Variants in GALNTL5 observed in about 807,000 individuals in gnomAD.
The protein encoded by GALNTL5 is inactive polypeptide N-acetylgalactosaminyltransferase-like protein 5.
A neutral mutation model predicts 51.0 loss-of-function variants in GALNTL5; 44 were observed. The ratio of observed to expected loss-of-function variants is 0.86; its 90% CI spans 0.68 to 1.11. The LOEUF is 1.11. Among genes scored for constraint, GALNTL5 ranks in the 50% least tolerant of loss-of-function variants. The probability of loss-of-function intolerance (pLI) is 0.00; values close to 1 mark genes in which losing one functional copy is unlikely to be tolerated. For synonymous variants in GALNTL5, 192 were observed against 182.8 expected, an observed-to-expected ratio of 1.05 and a Z score of -0.41; for missense variants, 528 against 531.8, an observed-to-expected ratio of 0.99 and a Z score of 0.07.
chr7:151,982,294 A>T (rs1053342944), intron 3 of GALNTL5, among the ~76,000 whole-genome samples: 3 of 152,058 alleles, frequency 2.0e-5, no homozygotes, highest in Non-Finnish European at 4.4e-5. Flanking sequence ...CATGCCTGTA[A>T]TCCCAGCTAC....
chr7:151,994,354 C>T lies in GALNTL5; in HGVS notation c.658+7073C>T, dbSNP rs117515940. ...TGAGATGCAAACTGTACCTACTGAGCCTGGAGACGGGTTTTCACGTGATGT... is the reference window on the plus strand; with the variant it reads ...TGAGATGCAAACTGTACCTACTGAGTCTGGAGACGGGTTTTCACGTGATGT... On this transcript the variant is annotated intron_variant, in intron 5 of 8. Coordinates refer to ENST00000392800, the MANE Select transcript of GALNTL5 (RefSeq NM_145292.4). Among the ~76,000 whole-genome samples the T allele has an allele frequency of 2.1e-3, 314 of 152,268 alleles. 1 individual carries two copies. Among genetic ancestry groups the T allele is most frequent in the Non-Finnish European group, 3.1e-3 (212 of 68,020 alleles).
rs765757078 is a variant in GALNTL5, at chr7:152,019,647, A to C, written c.1178A>C (p.Glu393Ala). The change falls in exon 9 of 9, where the codon GAG (glutamate) becomes GCG (alanine). Residue 393 changes from glutamate (E) to alanine (A), a missense_variant and splice_region_variant. Glu to Ala is a moderately radical substitution (Grantham distance 107). Transcript: ENST00000392800. Reference protein sequence around the residue: ...LVHVWLDEYKEQFFLRKPGLK... With the variant: ...LVHVWLDEYKAQFFLRKPGLK... ...GACTGACTCTATATTTTCATTTAGG[A>C]GCAGTTTTTTCTTCGAAAGCCTGGT... The C allele has an allele frequency of 6.2e-7, 1 of 1,609,176 alleles. No individual in the cohort carries two copies. Among genetic ancestry groups the C allele is most frequent in the Non-Finnish European group, 8.5e-7 (1 of 1,177,194 alleles).
At chr7:151,980,129 G>T (rs184246171) in intron 3 of GALNTL5, among the ~76,000 whole-genome samples, 334 of 152,176 alleles carry the variant, frequency 2.2e-3, no homozygotes, top group Non-Finnish European at 3.5e-3. Flanking sequence ...TGTTGCCCAG[G>T]CTGGAGTGCA....
intron 1 of GALNTL5, among the ~76,000 whole-genome samples, chr7:151,965,310 G>A (rs2081045812): frequency 6.6e-6 from 1 of 152,118 alleles, no homozygotes; most frequent in African/African-American, 2.4e-5. Flanking sequence ...GTGCATTGAT[G>A]TTCCCTCTAC....
chr7:151,998,631 A>G (rs1204741746), intron 5 of GALNTL5, among the ~76,000 whole-genome samples: 1 of 151,992 alleles, frequency 6.6e-6, no homozygotes, highest in Non-Finnish European at 1.5e-5. Context: ...AATTAGCTGG[A>G]CATGTTGGCA....
chr7:151,981,243 G>C (rs949639146), intron 3 of GALNTL5, among the ~76,000 whole-genome samples: 1 of 152,130 alleles, frequency 6.6e-6, no homozygotes, highest in Non-Finnish European at 1.5e-5. Context: ...TAAAGAAGTG[G>C]AAAAAGCCCA....
At chr7:151,967,060 A>G (rs1407749624) in intron 1 of GALNTL5, 148 bp from the exon 2 acceptor site, 2 of 547,134 alleles carry the variant, frequency 3.7e-6, no homozygotes, top group Non-Finnish European at 6.5e-6. Flanking sequence ...AATTTGTGCT[A>G]ATAGAAATAA....
Position 152,002,769 on chromosome 7 carries a change from G to A in GALNTL5, c.714G>A (p.Glu238=). Residue 238 remains glutamate (E), a synonymous_variant, in exon 6 of 9, where the codon GAG becomes GAA. Coordinates refer to ENST00000392800, the MANE Select transcript of GALNTL5 (RefSeq NM_145292.4). Reference sequence around the variant, plus strand: ...GTGAGGTGAACAGAGTATGGCTGGAGCCCCTGCTGCATGCCATTGCCAAGG... The same window carrying A: ...GTGAGGTGAACAGAGTATGGCTGGAACCCCTGCTGCATGCCATTGCCAAGG... ...SHCEVNRVWL[E]PLLHAIAKDP... is the part of the protein sequence containing the mutation. 1.2e-6 allele frequency: 2 copies of A among 1,614,110 alleles called. No individual in the cohort carries two copies. The highest frequency in any genetic ancestry group is 1.7e-6 in the Non-Finnish European group (2 of 1,179,954).
intron 6 of GALNTL5, among the ~76,000 whole-genome samples, chr7:152,004,385 G>C (rs1027396673): frequency 6.6e-6 from 1 of 150,476 alleles, no homozygotes; most frequent in Non-Finnish European, 1.5e-5. Context: ...TATATAATAT[G>C]TATAAGAAAA....
chr7:151,984,597 G>T (rs569499366), intron 4 of GALNTL5, among the ~76,000 whole-genome samples: 14 of 152,286 alleles, frequency 9.2e-5, no homozygotes, highest in African/African-American at 3.1e-4. Context: ...TTCTAAGGGG[G>T]TCACCAATGT....
chr7:151,973,451 C>T (rs1439441092), intron 3 of GALNTL5, among the ~76,000 whole-genome samples: 1 of 147,752 alleles, frequency 6.8e-6, no homozygotes, highest in Non-Finnish European at 1.5e-5. Context: ...GGTGACAGAG[C>T]AAGCTCCGTC....
At chr7:152,006,646 T>C (rs28375243) in intron 6 of GALNTL5, among the ~76,000 whole-genome samples, 3,664 of 152,312 alleles carry the variant, frequency 0.024, 147 homozygotes, top group African/African-American at 0.084. Flanking sequence ...TCTAATTGGC[T>C]TCCCTACCCT....
intron 3 of GALNTL5, among the ~76,000 whole-genome samples, chr7:151,981,603 T>C (rs1159583686): frequency 2.0e-5 from 2 of 100,820 alleles, no homozygotes; most frequent in Admixed American, 1.1e-4. Context: ...CCTTCCTTCC[T>C]TCCCTCCTTC....
At chr7:151,987,909 T>C (rs1213709173) in intron 5 of GALNTL5, among the ~76,000 whole-genome samples, 1 of 152,110 alleles carries the variant, frequency 6.6e-6, no homozygotes, top group Non-Finnish European at 1.5e-5. Flanking sequence ...GGGTGGCGCA[T>C]CTCCACTTCC....
At chr7:151,988,951 C>T (rs547325562) in intron 5 of GALNTL5, among the ~76,000 whole-genome samples, 1 of 152,050 alleles carries the variant, frequency 6.6e-6, no homozygotes, top group African/African-American at 2.4e-5. Flanking sequence ...CTGCCCACCT[C>T]GGCTTCCCAC....
At chr7:152,017,673 C>T (rs951760460) in intron 8 of GALNTL5, among the ~76,000 whole-genome samples, 1 of 152,222 alleles carries the variant, frequency 6.6e-6, no homozygotes, top group Non-Finnish European at 1.5e-5. Flanking sequence ...AAGCAGGGGG[C>T]TTTCAAATTG....
intron 6 of GALNTL5, 23 bp from the exon 7 acceptor site, chr7:152,007,804 T>C (rs770668341): frequency 2.4e-6 from 3 of 1,236,748 alleles, no homozygotes; most frequent in Non-Finnish European, 3.6e-6. Flanking sequence ...GAAATTAATT[T>C]CATATTTATG....
intron 6 of GALNTL5, among the ~76,000 whole-genome samples, chr7:152,006,094 G>C (rs926926435): frequency 1.3e-5 from 2 of 152,208 alleles, no homozygotes; most frequent in South Asian, 4.1e-4. Context: ...GGAGCAACCA[G>C]GGAGGGAGGA....
chr7:152,008,124 A>C (rs1250841467), intron 7 of GALNTL5, among the ~76,000 whole-genome samples, 180 bp downstream of exon 7: 1 of 152,084 alleles, frequency 6.6e-6, no homozygotes, highest in African/African-American at 2.4e-5. Flanking sequence ...ATAAAATATT[A>C]GATTCTTGGC....
Sources: gnomAD v4.1 joint callset for allele counts (sites outside exome capture counted in the v4.1 genomes callset) on GRCh38, gnomAD v4.1.1 for gene constraint, MANE v1.5 for transcripts, NCBI Gene and HGNC (gene_info 2026-07-23, HGNC 2026-07-21) for gene names.